Variants in FRMD4A observed in about 807,000 individuals in gnomAD.
FRMD4A encodes the protein FERM domain containing 4A, also known as FERM domain-containing protein 4A.
Under a neutral mutation model 129.1 loss-of-function variants are expected in FRMD4A, and 29 were observed. That is an observed-to-expected ratio of 0.22 (90% CI 0.17 to 0.31). The LOEUF is 0.31. Ranked by LOEUF, FRMD4A falls within the 10% of genes least tolerant of loss-of-function variation. The pLI is 1.00. For synonymous variants in FRMD4A, 634 were observed against 571.6 expected, an observed-to-expected ratio of 1.11 and a Z score of -1.56; for missense variants, 1,272 against 1,375.8, an observed-to-expected ratio of 0.92 and a Z score of 1.19.
intron 2 of FRMD4A, among the ~76,000 whole-genome samples, chr10:14,150,644 GATTT>G (rs1220166098): frequency 1.3e-5 from 2 of 152,206 alleles, no homozygotes; most frequent in Non-Finnish European, 2.9e-5. Context: ...CTCTGCCAGT[GATTT>G]ATTTTTTCGT....
chr10:13,839,983 G>A lies in FRMD4A; in HGVS notation c.111+18864C>T, dbSNP rs576113889. The stretch of plus-strand genomic sequence containing the variant: ...CACAGTGTGTCCCTATAAAAATGAC[G>A]GAGTGAGGCCCATGGCTGTCTCAGG... On this transcript the variant is annotated intron_variant, in intron 3 of 24. Coordinates refer to ENST00000357447, the MANE Select transcript of FRMD4A (RefSeq NM_018027.5). Among the ~76,000 whole-genome samples, 54 of 152,316 alleles carry A rather than the reference G, an allele frequency of 3.5e-4. 2 individuals carry two copies. The highest frequency in any genetic ancestry group is 8.3e-4 in the South Asian group (4 of 4,824).
At chr10:13,814,133 T>G (rs2093495587) in intron 3 of FRMD4A, among the ~76,000 whole-genome samples, 1 of 152,180 alleles carries the variant, frequency 6.6e-6, no homozygotes, top group Non-Finnish European at 1.5e-5. Context: ...TCAAGTCTAG[T>G]GAACAGAGAT....
At chr10:14,326,454 T>C (rs1209804980) in intron 2 of FRMD4A, 2 of 158,144 alleles carry the variant, frequency 1.3e-5, no homozygotes, top group African/African-American at 2.4e-5. Context: ...TCCCAAATTC[T>C]AATTATCAGA....
In FRMD4A at chr10:14,040,485, G is replaced by T. The variant is rs564285726; in HGVS notation, c.46-181573C>A. Reference sequence around the variant, plus strand: ...CTGAAGGAATTTAGCTGAAGTTAATGTTCTTGCAAAAAAACAGAGAATGAT... The same window carrying T: ...CTGAAGGAATTTAGCTGAAGTTAATTTTCTTGCAAAAAAACAGAGAATGAT... On this transcript the variant is annotated intron_variant, in intron 2 of 24. Transcript: ENST00000357447. Among the ~76,000 whole-genome samples the T allele has an allele frequency of 7.2e-5, 11 of 152,264 alleles. 1 individual carries two copies. In the South Asian group the frequency reaches 2.3e-3, roughly 32 times the overall value.
chr10:14,310,365 G>A (rs550909405), intron 2 of FRMD4A, among the ~76,000 whole-genome samples: 4 of 152,228 alleles, frequency 2.6e-5, no homozygotes, highest in Non-Finnish European at 5.9e-5. Flanking sequence ...GGCAGACAGT[G>A]AGGGTCAAAG....
chr10:14,278,063 A>C (rs1240047655), intron 2 of FRMD4A, among the ~76,000 whole-genome samples: 3 of 152,036 alleles, frequency 2.0e-5, no homozygotes, highest in Non-Finnish European at 4.4e-5. Flanking sequence ...AAGCTCTATC[A>C]CTTTTCCCGA....
intron 18 of FRMD4A, 141 bp from the exon 19 acceptor site, chr10:13,663,650 T>C (rs1371661571): frequency 1.6e-6 from 1 of 630,214 alleles, no homozygotes; most frequent in Admixed American, 2.7e-5. Context: ...ATAAAAATGC[T>C]GTTGGGTGTT....
intron 2 of FRMD4A, among the ~76,000 whole-genome samples, chr10:13,923,494 G>A (rs575301734): frequency 1.5e-4 from 23 of 152,220 alleles, no homozygotes; most frequent in African/African-American, 5.3e-4. Context: ...GTGCACATAC[G>A]TACACACACA....
chr10:14,205,083 C>A (rs1426541381), intron 2 of FRMD4A, among the ~76,000 whole-genome samples: 1 of 132,444 alleles, frequency 7.6e-6, no homozygotes, highest in East Asian at 2.2e-4. Context: ...TTTTGCTATA[C>A]TTCTTTGAGA....
At chr10:14,202,686 C>A (rs1164178946) in intron 2 of FRMD4A, among the ~76,000 whole-genome samples, 3 of 152,186 alleles carry the variant, frequency 2.0e-5, no homozygotes, top group Non-Finnish European at 4.4e-5. Context: ...CAGGCATGAG[C>A]CACCGCGACT....
In FRMD4A at chr10:14,162,728, G is replaced by C. The variant is rs1433389888; in HGVS notation, c.45+167330C>G. Among the ~76,000 whole-genome samples the C allele has an allele frequency of 3.3e-5, 5 of 150,150 alleles. No individual in the cohort carries two copies. The East Asian group carries it at 9.8e-4, about 29-fold the overall frequency. On this transcript the variant is annotated intron_variant, in intron 2 of 24. Transcript: ENST00000357447. ...TTTTTATTTAACTGGATTCCTGTTG[G>C]GATTTTCGTTAGCTGGTTGCTGCAG...
chr10:14,145,747 G>C (rs1001818966), intron 2 of FRMD4A, among the ~76,000 whole-genome samples: 4 of 152,142 alleles, frequency 2.6e-5, no homozygotes, highest in African/African-American at 9.7e-5. Flanking sequence ...GTGCTGCCTA[G>C]ACCCAGAAGA....
At chr10:13,842,050 C>T (rs1374542666) in intron 3 of FRMD4A, among the ~76,000 whole-genome samples, 1 of 152,190 alleles carries the variant, frequency 6.6e-6, no homozygotes, top group Non-Finnish European at 1.5e-5. Flanking sequence ...TACCTTGTTC[C>T]TCTCACAACA....
At chr10:13,659,969 G>A (rs1444420178) in intron 20 of FRMD4A, among the ~76,000 whole-genome samples, 1 of 152,198 alleles carries the variant, frequency 6.6e-6, no homozygotes, top group African/African-American at 2.4e-5. Flanking sequence ...AGGGGGTAGA[G>A]TTCTGAACCA....
At chr10:13,812,007 C>T (rs1193993893) in intron 3 of FRMD4A, among the ~76,000 whole-genome samples, 3 of 151,858 alleles carry the variant, frequency 2.0e-5, no homozygotes, top group Non-Finnish European at 4.4e-5. Flanking sequence ...CTCAGCCTCC[C>T]GAGTAGCTGG....
intron 2 of FRMD4A, among the ~76,000 whole-genome samples, chr10:13,943,675 A>AAAAG (rs2095310672): frequency 8.1e-6 from 1 of 123,790 alleles, no homozygotes; most frequent in Non-Finnish European, 1.8e-5. Flanking sequence ...AAAAAAAAAA[A>AAAAG]AAAAGAAAAA....
chr10:13,756,685 A>T (rs1332101748), intron 8 of FRMD4A, among the ~76,000 whole-genome samples: 1 of 152,180 alleles, frequency 6.6e-6, no homozygotes, highest in Non-Finnish European at 1.5e-5. Flanking sequence ...ATTTTAAGAA[A>T]ATTTGCGGCA....
intron 2 of FRMD4A, among the ~76,000 whole-genome samples, chr10:14,246,395 ACACACACACAC>A (rs1435376837): frequency 6.6e-5 from 10 of 152,002 alleles, no homozygotes; most frequent in Non-Finnish European, 2.9e-5. Context: ...ACACACACAC[ACACACACACAC>A]AAGTGCACGC....
chr10:14,301,056 A>G (rs10752336), intron 2 of FRMD4A, among the ~76,000 whole-genome samples: 47,209 of 152,038 alleles, frequency 0.31, 7,704 homozygotes, highest in Middle Eastern at 0.36. Context: ...CATCCTGCTC[A>G]GTGTGACCAA....
Sources: gnomAD v4.1 joint callset for allele counts (sites outside exome capture counted in the v4.1 genomes callset) on GRCh38, gnomAD v4.1.1 for gene constraint, MANE v1.5 for transcripts, NCBI Gene and HGNC (gene_info 2026-07-23, HGNC 2026-07-21) for gene names.